Variants in FAM114A2 observed in about 807,000 individuals in gnomAD.
The protein encoded by FAM114A2 is family with sequence similarity 114 member A2, also known as protein FAM114A2.
Under a neutral mutation model 58.4 loss-of-function variants are expected in FAM114A2, and 53 were observed. The observed-to-expected ratio is 0.91, with a 90% CI of 0.73 to 1.14. The LOEUF (loss-of-function observed/expected upper bound fraction) is 1.14. Among genes scored for constraint, FAM114A2 ranks in the 50% most tolerant of loss-of-function variants. FAM114A2 has a pLI of 0.00. For missense variants in FAM114A2, 601 were observed against 581.1 expected (o/e 1.03, Z -0.35); for synonymous variants, 228 against 211.4 (o/e 1.08, Z -0.68).
Position 154,019,059 on chromosome 5 carries a change from A to G in FAM114A2, c.913+7340T>C, listed in dbSNP as rs866022733. ...ACACAGTACTGGAAGTCCTAGCCAG[A>G]GCAATCAGAGAAAGAAATAAAGGGC... On this transcript the variant is annotated intron_variant, in intron 8 of 13. Transcript: ENST00000351797. Among the ~76,000 whole-genome samples the G allele has an allele frequency of 2.0e-5, 3 of 152,188 alleles. 1 individual carries two copies. Among genetic ancestry groups the G allele is most frequent in the African/African-American group, 7.2e-5 (3 of 41,440 alleles).
chr5:154,035,111 TCCC>T, intron 1 of FAM114A2, 144 bp from the exon 2 acceptor site: 1 of 583,110 alleles, frequency 1.7e-6, no homozygotes, highest in South Asian at 2.4e-5. Flanking sequence ...TCATCCAGTT[TCCC>T]CCAATGGTAA....
intron 10 of FAM114A2, 120 bp from the exon 11 acceptor site, chr5:154,002,510 G>T: frequency 9.5e-7 from 1 of 1,048,346 alleles, no homozygotes; most frequent in Non-Finnish European, 1.4e-6. Flanking sequence ...CCAATAAAGA[G>T]TGTCTTCTTC....
intron 9 of FAM114A2, among the ~76,000 whole-genome samples, chr5:154,008,093 A>G (rs1770462981): frequency 6.6e-6 from 1 of 152,190 alleles, no homozygotes; most frequent in South Asian, 2.1e-4. Context: ...ACCTATGCAC[A>G]AGGCTAAGTG....
chr5:154,033,335 T>C (rs1312377978), intron 4 of FAM114A2, among the ~76,000 whole-genome samples: 1 of 152,252 alleles, frequency 6.6e-6, no homozygotes, highest in Non-Finnish European at 1.5e-5. Context: ...GGTTTCTGTC[T>C]GATCAAGGCT....
At chr5:154,022,520 T>C (rs1310532070) in intron 8 of FAM114A2, among the ~76,000 whole-genome samples, 5 of 152,082 alleles carry the variant, frequency 3.3e-5, no homozygotes, top group Admixed American at 6.6e-5. Context: ...ATGCAGCCAA[T>C]AGACACGTGA....
chr5:154,011,325 A>G lies in FAM114A2; in HGVS notation c.914-5T>C. The G allele has an allele frequency of 6.2e-7, 1 of 1,608,360 alleles. No individual in the cohort carries two copies. Among genetic ancestry groups the G allele is most frequent in the Non-Finnish European group, 8.5e-7 (1 of 1,175,798 alleles). On this transcript the variant is annotated splice_region_variant and splice_polypyrimidine_tract_variant and intron_variant, in intron 8 of 13. Coordinates refer to ENST00000351797, the MANE Select transcript of FAM114A2 (RefSeq NM_018691.4). ...CCTTGGTAAAATCTTCATCCCCTAA[A>G]AAACCAAGTCCCATATAAAACACTC...
intron 13 of FAM114A2, 144 bp downstream of exon 13, chr5:153,994,775 A>T: frequency 3.3e-6 from 2 of 603,164 alleles, no homozygotes; most frequent in Non-Finnish European, 5.9e-6. Context: ...CACATCAAAT[A>T]TACACTATTT....
At chr5:154,010,889 T>A (rs2560039) in intron 9 of FAM114A2, among the ~76,000 whole-genome samples, 18,933 of 152,182 alleles carry the variant, frequency 0.12, 1,762 homozygotes, top group East Asian at 0.43. Flanking sequence ...ATCATTCAGA[T>A]CCCTGAGAAC....
At chr5:154,002,537 T>C in intron 10 of FAM114A2, 147 bp from the exon 11 acceptor site, 2 of 930,728 alleles carry the variant, frequency 2.1e-6, no homozygotes, top group Non-Finnish European at 3.2e-6. Flanking sequence ...AGTAGTGATA[T>C]AATTTTACAG....
At position 153,991,122 on chromosome 5, in the gene FAM114A2, G is replaced by C. The variant is rs992898597; in HGVS notation, c.*1854C>G. ...GGGGGTGGGGAAGATGAGAAAAAAA[G>C]AGTTAGTGAGTCATATTTACCTTAT... On this transcript the variant is annotated 3_prime_UTR_variant, in exon 14 of 14. Coordinates refer to ENST00000351797, the MANE Select transcript of FAM114A2 (RefSeq NM_018691.4). The C allele has an allele frequency of 2.0e-5, 3 of 152,074 alleles. No homozygotes were observed. Among genetic ancestry groups the C allele is most frequent in the African/African-American group, 7.2e-5 (3 of 41,400 alleles). 9.4% of individuals were successfully genotyped at this position (152,074 alleles called of 1,614,324 possible).
intron 8 of FAM114A2, among the ~76,000 whole-genome samples, chr5:154,023,474 C>G (rs530600247): frequency 6.6e-6 from 1 of 152,096 alleles, no homozygotes; most frequent in East Asian, 1.9e-4. Flanking sequence ...GCATTCGCAG[C>G]GACCTGGATG....
chr5:154,030,628 C>T (rs192198283), intron 4 of FAM114A2, among the ~76,000 whole-genome samples: 193 of 152,316 alleles, frequency 1.3e-3, no homozygotes, highest in Non-Finnish European at 2.3e-3. Context: ...GTGGAAGAAA[C>T]GGAGACTGGA....
intron 5 of FAM114A2, among the ~76,000 whole-genome samples, chr5:154,028,854 G>T (rs371587830): frequency 1.3e-5 from 2 of 152,240 alleles, no homozygotes; most frequent in South Asian, 2.1e-4. Flanking sequence ...TGCAGGAGAG[G>T]GGGAGAGCAG....
At chr5:153,999,142 A>T (rs1231828327) in intron 11 of FAM114A2, among the ~76,000 whole-genome samples, 1 of 152,198 alleles carries the variant, frequency 6.6e-6, no homozygotes, top group South Asian at 2.1e-4. Context: ...ATATACAAGG[A>T]ACTCAACAAT....
chr5:154,008,925 C>A (rs1386408367), intron 9 of FAM114A2, among the ~76,000 whole-genome samples: 3 of 152,116 alleles, frequency 2.0e-5, no homozygotes, highest in Non-Finnish European at 4.4e-5. Flanking sequence ...CAAGGAAAAA[C>A]CCTGTAGGGA....
intron 11 of FAM114A2, among the ~76,000 whole-genome samples, chr5:153,998,134 A>G (rs1415894186): frequency 2.6e-5 from 4 of 152,212 alleles, no homozygotes; most frequent in Non-Finnish European, 5.9e-5. Flanking sequence ...TTAATTGCAC[A>G]TCATCTTGAG....
intron 12 of FAM114A2, chr5:153,995,210 T>C (rs1256670634): frequency 1.5e-5 from 6 of 394,390 alleles, no homozygotes; most frequent in Non-Finnish European, 2.3e-5. Context: ...TACCTTTTTA[T>C]TGACTTTAAA....
chr5:154,037,380 C>T (rs1772642607), intron 1 of FAM114A2: 1 of 152,114 alleles, frequency 6.6e-6, no homozygotes, highest in Non-Finnish European at 1.5e-5. Context: ...ACATACAAAC[C>T]AACTTAGAAG....
chr5:153,993,786 CAA>C (rs111496849), intron 13 of FAM114A2, among the ~76,000 whole-genome samples: 1 of 148,020 alleles, frequency 6.8e-6, no homozygotes, highest in South Asian at 2.1e-4. Context: ...AATCTGTATC[CAA>C]AAAAAAAATC....
Sources: allele counts gnomAD v4.1 joint callset (sites outside exome capture counted in the v4.1 genomes callset), GRCh38; gene constraint gnomAD v4.1.1; transcripts MANE v1.5; gene names NCBI Gene and HGNC (gene_info 2026-07-23, HGNC 2026-07-21).